Variants in MLLT10 observed in about 807,000 individuals in gnomAD.
MLLT10 encodes MLLT10 histone lysine methyltransferase DOT1L cofactor.
A neutral mutation model predicts 129.1 loss-of-function variants in MLLT10; 30 were observed. That is an observed-to-expected ratio of 0.23 (90% CI 0.17 to 0.32). The LOEUF (loss-of-function observed/expected upper bound fraction) is 0.32. Ranked by LOEUF, MLLT10 falls within the 10% of genes least tolerant of loss-of-function variation. The pLI is 1.00. For synonymous variants in MLLT10, 490 were observed against 446.4 expected (o/e 1.10, Z -1.23); for missense variants, 1,119 against 1,268.3 (o/e 0.88, Z 1.79).
chr10:21,569,825 C>G (rs575832355), intron 3 of MLLT10, among the ~76,000 whole-genome samples: 1 of 152,240 alleles, frequency 6.6e-6, no homozygotes, highest in South Asian at 2.1e-4. Flanking sequence ...TCACTATGGC[C>G]TTGACCTCCT....
chr10:21,707,189 ATTTTTTTTTTT>A (rs1199544245), intron 13 of MLLT10, among the ~76,000 whole-genome samples: 1 of 122,502 alleles, frequency 8.2e-6, no homozygotes, highest in East Asian at 2.3e-4. Flanking sequence ...AGTTTAGATG[ATTTTTTTTTTT>A]TTTTTTTTTT....
intron 5 of MLLT10, among the ~76,000 whole-genome samples, chr10:21,605,115 C>T (rs1373799819): frequency 6.6e-6 from 1 of 151,518 alleles, no homozygotes; most frequent in African/African-American, 2.4e-5. Context: ...AAGAAATATA[C>T]CTTATTTATT....
chr10:21,619,928 T>C (rs1285163634), intron 8 of MLLT10, among the ~76,000 whole-genome samples: 2 of 151,404 alleles, frequency 1.3e-5, no homozygotes, highest in Non-Finnish European at 1.5e-5. Context: ...TTTTTCTTTT[T>C]CTTTTCTTTT....
Position 21,673,318 on chromosome 10 carries a change from C to CCCCCTTTTTTTTTTTTTTT in MLLT10, c.1052-32_1052-31insCCCCTTTTTTTTTTTTTTT. Reference sequence around the variant, plus strand: ...TTTTTCTGTCCCCCCCACCCCCCAACTTTTTTTTTTTTTTTTTTTTTTAAA... The same window carrying CCCCCTTTTTTTTTTTTTTT: ...TTTTTCTGTCCCCCCCACCCCCCAACCCCCTTTTTTTTTTTTTTTTTTTTTTTTTTTTTTTTTTTTTAAA... On this transcript the variant is annotated intron_variant, in intron 10 of 22. Transcript: ENST00000307729. 6.5e-6 allele frequency: 2 copies of CCCCCTTTTTTTTTTTTTTT among 307,342 alleles called. 1 individual carries two copies. The highest frequency in any genetic ancestry group is 1.0e-5 in the Non-Finnish European group (2 of 200,014). The allele number at this position is 307,342 out of a possible 1,614,324, so 19.0% of individuals were successfully genotyped here.
intron 15 of MLLT10, 32 bp downstream of exon 15, chr10:21,726,387 C>T (rs1453923066): frequency 2.1e-6 from 3 of 1,405,634 alleles, no homozygotes; most frequent in South Asian, 1.2e-5. Flanking sequence ...ACTCTAAAAC[C>T]CTACTCTCAC....
chr10:21,664,978 C>T (rs1485679939), intron 9 of MLLT10, among the ~76,000 whole-genome samples: 1 of 136,410 alleles, frequency 7.3e-6, no homozygotes, highest in Non-Finnish European at 1.5e-5. Flanking sequence ...TAGAGTCTCG[C>T]TCTGTCACCC....
At chr10:21,588,978 C>T (rs533187601) in intron 4 of MLLT10, among the ~76,000 whole-genome samples, 7 of 152,078 alleles carry the variant, frequency 4.6e-5, no homozygotes, top group East Asian at 1.9e-4. Context: ...CACACACCAC[C>T]GCGCCCAGCT....
At chr10:21,712,872 C>T (rs2056227694) in intron 13 of MLLT10, among the ~76,000 whole-genome samples, 1 of 152,212 alleles carries the variant, frequency 6.6e-6, no homozygotes, top group South Asian at 2.1e-4. Context: ...TCCTGAAAGC[C>T]TCTCCTTCTC....
chr10:21,697,347 T>C (rs960026746), intron 13 of MLLT10, among the ~76,000 whole-genome samples: 1 of 152,036 alleles, frequency 6.6e-6, no homozygotes, highest in Admixed American at 6.6e-5. Flanking sequence ...GCGCCTGTAA[T>C]CCCAACTACT....
At chr10:21,663,198 TC>T (rs763671496) in intron 9 of MLLT10, among the ~76,000 whole-genome samples, 2 of 152,074 alleles carry the variant, frequency 1.3e-5, no homozygotes, top group Non-Finnish European at 2.9e-5. Context: ...AGTGTGAGGG[TC>T]CCCCAAGACC....
chr10:21,580,438 G>C (rs1265589639), intron 3 of MLLT10, among the ~76,000 whole-genome samples: 3 of 150,262 alleles, frequency 2.0e-5, no homozygotes, highest in Non-Finnish European at 4.4e-5. Context: ...ACCCAGGCTG[G>C]AGTGCAGTGG....
Position 21,534,662 on chromosome 10 carries a change from GC to G in MLLT10, c.21del (p.Val8CysfsTer11). On this transcript the variant is annotated frameshift_variant, in exon 2 of 23. Transcript: ENST00000307729. LOFTEE classifies it high-confidence loss of function. ...CCTCTTAGATGGTCTCTAGCGACCG[GC>G]CCGTGTCACTGGAGGACGAGGTCTC... MVSSDR[P>X]VSLEDEVSHS... The G allele has an allele frequency of 6.2e-7, 1 of 1,611,116 alleles. No individual in the cohort carries two copies. The highest frequency in any genetic ancestry group is 8.5e-7 in the Non-Finnish European group (1 of 1,178,360).
intron 11 of MLLT10, among the ~76,000 whole-genome samples, chr10:21,680,044 T>G (rs529185182): frequency 6.6e-6 from 1 of 152,246 alleles, no homozygotes; most frequent in East Asian, 1.9e-4. Flanking sequence ...TATTTTTCCC[T>G]CAGAAAGCCA....
At chr10:21,622,884 C>G (rs2046037756) in intron 8 of MLLT10, among the ~76,000 whole-genome samples, 2 of 152,234 alleles carry the variant, frequency 1.3e-5, no homozygotes, top group Admixed American at 1.3e-4. Context: ...GTCACCTGTA[C>G]TTTTCACCAA....
intron 9 of MLLT10, among the ~76,000 whole-genome samples, chr10:21,653,981 A>G (rs1224389683): frequency 6.6e-6 from 1 of 152,238 alleles, no homozygotes; most frequent in Non-Finnish European, 1.5e-5. Flanking sequence ...ACAACCGACA[A>G]AGGAGACTGA....
intron 8 of MLLT10, chr10:21,625,490 C>G (rs969344657): frequency 1.0e-6 from 1 of 992,728 alleles, no homozygotes; most frequent in East Asian, 2.4e-5. Context: ...GCCCATTCAA[C>G]TGTAACTACA....
At chr10:21,712,203 C>CACTTATTTATTT (rs1554860631) in intron 13 of MLLT10, among the ~76,000 whole-genome samples, 2 of 150,132 alleles carry the variant, frequency 1.3e-5, no homozygotes, top group Non-Finnish European at 3.0e-5. Context: ...TCAATAACTT[C>CACTTATTTATTT]ATTTATTTAT....
intron 3 of MLLT10, among the ~76,000 whole-genome samples, chr10:21,561,713 C>CT (rs2038832899): frequency 6.6e-6 from 1 of 152,204 alleles, no homozygotes; most frequent in African/African-American, 2.4e-5. Flanking sequence ...CTGAATGATA[C>CT]TGGCACTTTT....
chr10:21,732,852 T>C, intron 17 of MLLT10, 47 bp from the exon 18 acceptor site: 1 of 1,517,538 alleles, frequency 6.6e-7, no homozygotes, highest in Non-Finnish European at 9.0e-7. Context: ...ATACTTAGTC[T>C]TATGTGTGTA....
Sources: allele counts gnomAD v4.1 joint callset (sites outside exome capture counted in the v4.1 genomes callset), GRCh38; gene constraint gnomAD v4.1.1; transcripts MANE v1.5; gene names NCBI Gene and HGNC (gene_info 2026-07-23, HGNC 2026-07-21).